Variants in DCLK1 observed in about 807,000 individuals in gnomAD.
DCLK1 encodes serine/threonine-protein kinase DCLK1.
DCLK1 carries 16 observed loss-of-function variants against 86.2 expected under a neutral mutation model. That is an observed-to-expected ratio of 0.19 (90% CI 0.13 to 0.28). DCLK1 has a LOEUF of 0.28. DCLK1 is among the 10% of genes least tolerant of loss of function. The probability of loss-of-function intolerance (pLI) is 1.00; values close to 1 mark genes in which losing one functional copy is unlikely to be tolerated. For synonymous variants in DCLK1, 369 were observed against 370.5 expected, an observed-to-expected ratio of 1.00 and a Z score of 0.05; for missense variants, 590 against 940.2, an observed-to-expected ratio of 0.63 and a Z score of 4.87.
chr13:36,131,440 T>C, upstream of DCLK1: 1 of 181,392 alleles, frequency 5.5e-6, no homozygotes, highest in Non-Finnish European at 1.1e-5. Context: ...CGCCCTCCCG[T>C]CTCCCTCCTC....
At chr13:36,116,563 T>A (rs1011917984) in intron 2 of DCLK1, among the ~76,000 whole-genome samples, 6 of 152,110 alleles carry the variant, frequency 3.9e-5, no homozygotes, top group African/African-American at 1.4e-4. Context: ...TAAGAGTAAA[T>A]TCCAGTTCTG....
Position 35,774,690 on chromosome 13 carries a change from G to A in DCLK1, c.2068C>T (p.Leu690Phe). 1 of 1,612,046 alleles carries A rather than the reference G, an allele frequency of 6.2e-7. No homozygotes were observed. The highest frequency in any genetic ancestry group is 8.5e-7 in the Non-Finnish European group (1 of 1,179,118). The change falls in exon 17 of 17, where the codon CTT (leucine) becomes TTT (phenylalanine). Residue 690 changes from leucine to phenylalanine, a missense_variant. Transcript: ENST00000360631. ...CGGAAAACCTGCCTCTCCTTATCAA[G>A]AGCGGTGGTCTAGCAGGGGCATAAA... is the stretch of plus-strand genomic sequence containing the variant. ...AGVSVIATTA[L>F]DKERQVFRRR...
intron 3 of DCLK1, among the ~76,000 whole-genome samples, chr13:36,020,785 C>T (rs545522984): frequency 6.6e-6 from 1 of 152,008 alleles, no homozygotes; most frequent in South Asian, 2.1e-4. Context: ...AACTATCCTT[C>T]AAAAACAAAA....
Position 36,014,430 on chromosome 13 carries a change from G to T in DCLK1, c.724-66973C>A, listed in dbSNP as rs1021957734. ...GCCTTTAAAATTTTAAATTACAGCC[G>T]ATAAAAACTGTTTTTTTTTACAGCC... On this transcript the variant is annotated intron_variant, in intron 3 of 16. Transcript: ENST00000360631. Among the ~76,000 whole-genome samples, 7 of 152,130 alleles carry T rather than the reference G, an allele frequency of 4.6e-5. No homozygotes were observed. In the East Asian group the frequency reaches 1.2e-3, roughly 25 times the overall value.
At chr13:35,849,459 C>G (rs760238625) in intron 6 of DCLK1, 17 of 985,278 alleles carry the variant, frequency 1.7e-5, no homozygotes, top group Non-Finnish European at 1.9e-5. Flanking sequence ...AACCATGCTT[C>G]ACAAGTCTTA....
chr13:35,848,682 G>C (rs1046610300), intron 6 of DCLK1: 1 of 985,330 alleles, frequency 1.0e-6, no homozygotes, highest in Non-Finnish European at 1.2e-6. Context: ...TTGTCCATAA[G>C]ATTGACAGTG....
At chr13:35,884,918 T>C (rs1415762388) in intron 4 of DCLK1, among the ~76,000 whole-genome samples, 1 of 152,170 alleles carries the variant, frequency 6.6e-6, no homozygotes, top group African/African-American at 2.4e-5. Flanking sequence ...AGCCACAGCC[T>C]CTGTGCTGCC....
In DCLK1 at chr13:36,118,279, G is replaced by A. The variant is rs73529421; in HGVS notation, c.377-6064C>T. On this transcript the variant is annotated intron_variant, in intron 2 of 16. Transcript: ENST00000360631. ...TATCACCTAGAAAGTCATCACAGCCGACCAGGAGAGGAGGTGAACTGAATG... is the reference window on the plus strand; with the variant it reads ...TATCACCTAGAAAGTCATCACAGCCAACCAGGAGAGGAGGTGAACTGAATG... Among the ~76,000 whole-genome samples, 1,278 of 152,194 alleles carry A rather than the reference G, an allele frequency of 8.4e-3. 15 individuals are homozygous for A. The highest frequency in any genetic ancestry group is 0.029 in the African/African-American group (1,201 of 41,532).
At chr13:36,102,876 G>A (rs9575282) in intron 3 of DCLK1, among the ~76,000 whole-genome samples, 16,604 of 152,166 alleles carry the variant, frequency 0.11, 1,425 homozygotes, top group South Asian at 0.29. Flanking sequence ...ATAGACAAAA[G>A]AGGCTCTACA....
At chr13:35,803,491 G>A (rs10507429) in intron 15 of DCLK1, among the ~76,000 whole-genome samples, 2,026 of 152,194 alleles carry the variant, frequency 0.013, 37 homozygotes, top group African/African-American at 0.046. Flanking sequence ...TCAGTGCATA[G>A]CTCTACATGC....
intron 3 of DCLK1, among the ~76,000 whole-genome samples, chr13:36,058,451 C>A (rs2153158703): frequency 6.6e-6 from 1 of 152,220 alleles, no homozygotes; most frequent in South Asian, 2.1e-4. Context: ...AATTAGAAGG[C>A]AAATTAAGAA....
intron 3 of DCLK1, among the ~76,000 whole-genome samples, chr13:36,090,039 T>G (rs1278392235): frequency 2.0e-5 from 3 of 152,218 alleles, no homozygotes; most frequent in Non-Finnish European, 2.9e-5. Context: ...TTAAAAAATT[T>G]AATGCACTTT....
At chr13:35,966,491 T>G (rs1221938276) in intron 3 of DCLK1, among the ~76,000 whole-genome samples, 1 of 125,244 alleles carries the variant, frequency 8.0e-6, no homozygotes, top group African/African-American at 3.1e-5. Flanking sequence ...CCTCTCCCTC[T>G]CCCCCTCCCC....
intron 16 of DCLK1, among the ~76,000 whole-genome samples, chr13:35,781,427 C>T (rs2086523352): frequency 6.6e-6 from 1 of 152,156 alleles, no homozygotes; most frequent in African/African-American, 2.4e-5. Flanking sequence ...TTAATATCAC[C>T]ATCAATCTAC....
chr13:35,821,361 C>T (rs143111367), intron 11 of DCLK1, among the ~76,000 whole-genome samples: 1 of 151,972 alleles, frequency 6.6e-6, no homozygotes, highest in Non-Finnish European at 1.5e-5. Context: ...AGTGTGTATG[C>T]GGGTTACCTG....
chr13:35,992,980 T>C (rs1206296579), intron 3 of DCLK1, among the ~76,000 whole-genome samples: 1 of 152,208 alleles, frequency 6.6e-6, no homozygotes, highest in African/African-American at 2.4e-5. Context: ...ATCTTCTCCT[T>C]ATTTAATGGA....
intron 4 of DCLK1, among the ~76,000 whole-genome samples, chr13:35,892,795 T>C (rs913372673): frequency 1.3e-5 from 2 of 152,172 alleles, no homozygotes; most frequent in African/African-American, 4.8e-5. Flanking sequence ...CATTGTCTGG[T>C]AGCCCCTCCT....
chr13:35,922,199 A>G (rs1392790977), intron 4 of DCLK1, among the ~76,000 whole-genome samples: 2 of 152,190 alleles, frequency 1.3e-5, no homozygotes, highest in Non-Finnish European at 2.9e-5. Context: ...CTGAAAAAAT[A>G]AATCAAATTT....
intron 3 of DCLK1, among the ~76,000 whole-genome samples, chr13:36,007,978 G>C (rs1012612445): frequency 6.6e-6 from 1 of 151,884 alleles, no homozygotes; most frequent in African/African-American, 2.4e-5. Context: ...ATCCTAAGGA[G>C]TAATTAATAC....
Sources: gnomAD v4.1 joint callset for allele counts (sites outside exome capture counted in the v4.1 genomes callset) on GRCh38, gnomAD v4.1.1 for gene constraint, MANE v1.5 for transcripts, NCBI Gene and HGNC (gene_info 2026-07-23, HGNC 2026-07-21) for gene names.